The following NT5E variants were observed in gnomAD, a reference collection of about 807,000 sequenced individuals.
NT5E encodes 5'-nucleotidase ecto.
Under a neutral mutation model 55.1 loss-of-function variants are expected in NT5E, and 53 were observed. The ratio of observed to expected loss-of-function variants is 0.96; its 90% CI spans 0.77 to 1.21. NT5E has a LOEUF of 1.21. NT5E is among the 50% of genes most tolerant of loss of function. NT5E has a pLI of 0.00. For missense variants in NT5E, 683 were observed against 724.3 expected (o/e 0.94, Z 0.65); for synonymous variants, 270 against 278.4 (o/e 0.97, Z 0.30).
chr6:85,472,230 G>A lies in NT5E; in HGVS notation c.751+805G>A, dbSNP rs77536561. 1.8e-3 allele frequency among the ~76,000 whole-genome samples: 270 copies of A among 152,280 alleles called. 1 individual carries two copies. Among genetic ancestry groups the A allele is most frequent in the Non-Finnish European group, 2.9e-3 (197 of 68,030 alleles). On this transcript the variant is annotated intron_variant, in intron 3 of 8. Coordinates refer to ENST00000257770, the MANE Select transcript of NT5E (RefSeq NM_002526.4). ...ATTCGCAAAGAAGGCTTTGGCGTGGGAACAGCCCTCCCCTTGAAGAGGCTC... is the reference window on the plus strand; with the variant it reads ...ATTCGCAAAGAAGGCTTTGGCGTGGAAACAGCCCTCCCCTTGAAGAGGCTC...
chr6:85,473,417 C>G (rs1769358516), intron 3 of NT5E, among the ~76,000 whole-genome samples: 1 of 152,160 alleles, frequency 6.6e-6, no homozygotes, highest in Admixed American at 6.5e-5. Context: ...CTGGATAAGA[C>G]CTGTGAAAAC....
chr6:85,466,245 C>T (rs1769190789), intron 1 of NT5E, among the ~76,000 whole-genome samples: 1 of 152,136 alleles, frequency 6.6e-6, no homozygotes, highest in African/African-American at 2.4e-5. Context: ...AGCAGCCACT[C>T]CTCAACCAGT....
chr6:85,469,375 G>A (rs1026557225), intron 2 of NT5E, among the ~76,000 whole-genome samples: 2 of 151,980 alleles, frequency 1.3e-5, no homozygotes, highest in Admixed American at 6.6e-5. Context: ...ACCTGTCTGT[G>A]TGCCAGGCAC....
intron 7 of NT5E, 133 bp downstream of exon 7, chr6:85,490,790 C>G: frequency 1.1e-6 from 1 of 942,914 alleles, no homozygotes; most frequent in Non-Finnish European, 1.6e-6. Flanking sequence ...ACACCAATAC[C>G]TTACCCTTTA....
At chr6:85,474,355 A>G (rs779464170) in intron 3 of NT5E, among the ~76,000 whole-genome samples, 6 of 152,236 alleles carry the variant, frequency 3.9e-5, no homozygotes, top group Admixed American at 6.5e-5. Context: ...GCTGAATCCA[A>G]CAATGCAAAA....
intron 3 of NT5E, among the ~76,000 whole-genome samples, chr6:85,483,747 A>G (rs531311613): frequency 6.6e-6 from 1 of 152,304 alleles, no homozygotes; most frequent in South Asian, 2.1e-4. Flanking sequence ...ATAACATGCT[A>G]CCCAGCTTGT....
chr6:85,492,447 T>C (rs530116675), intron 8 of NT5E, among the ~76,000 whole-genome samples: 1 of 152,250 alleles, frequency 6.6e-6, no homozygotes. Context: ...TAAGCAGCTA[T>C]TTAAATTGTG....
At chr6:85,465,005 G>A (rs573033744) in intron 1 of NT5E, among the ~76,000 whole-genome samples, 1 of 152,332 alleles carries the variant, frequency 6.6e-6, no homozygotes, top group Admixed American at 6.5e-5. Context: ...CATGGCAGTT[G>A]ACATACAGAT....
In NT5E at chr6:85,453,616, G is replaced by A. The variant is rs79560197; in HGVS notation, c.339+3138G>A. Among the ~76,000 whole-genome samples, 639 of 152,304 alleles carry A rather than the reference G, an allele frequency of 4.2e-3. 5 individuals are homozygous for A. Among genetic ancestry groups the A allele is most frequent in the African/African-American group, 0.014 (598 of 41,554 alleles). On this transcript the variant is annotated intron_variant, in intron 1 of 8. Transcript: ENST00000257770. Reference sequence around the variant, plus strand: ...ACCAAGACAGGCTGTGGGGAAGGTAGCTTTGAGCAGGTCTCTAGGGTCCCC... The same window carrying A: ...ACCAAGACAGGCTGTGGGGAAGGTAACTTTGAGCAGGTCTCTAGGGTCCCC...
At position 85,467,162 on chromosome 6, in the gene NT5E, G is replaced by A; in HGVS notation, c.442G>A (p.Gly148Arg). 3 of 1,614,084 alleles carry A rather than the reference G, an allele frequency of 1.9e-6. No individual in the cohort carries two copies. Among genetic ancestry groups the A allele is most frequent in the Middle Eastern group, 1.6e-4 (1 of 6,062 alleles). Residue 148 changes from glycine (G) to arginine (R), a missense_variant, in exon 2 of 9, where the codon GGG (glycine) becomes AGG (arginine). Coordinates refer to ENST00000257770, the MANE Select transcript of NT5E (RefSeq NM_002526.4). ...TCTGAGTGCAAACATTAAAGCAAAG[G>A]GGCCACTAGCATCTCAAATATCAGG... ...PILSANIKAK[G>R]PLASQISGLY...
intron 3 of NT5E, among the ~76,000 whole-genome samples, chr6:85,483,882 G>A (rs182333505): frequency 2.5e-4 from 38 of 152,286 alleles, no homozygotes; most frequent in Admixed American, 1.6e-3. Flanking sequence ...AAAAATACAT[G>A]GTAGGCTTGT....
intron 1 of NT5E, among the ~76,000 whole-genome samples, chr6:85,462,625 CCAGG>C (rs1769118632): frequency 6.6e-6 from 1 of 152,196 alleles, no homozygotes; most frequent in Non-Finnish European, 1.5e-5. Flanking sequence ...CTCTGTGACA[CCAGG>C]TGAGCTCTGG....
In NT5E at chr6:85,477,259, CA is replaced by C. The variant is rs112063692; in HGVS notation, c.751+5835del. On this transcript the variant is annotated intron_variant, in intron 3 of 8. Coordinates refer to ENST00000257770, the MANE Select transcript of NT5E (RefSeq NM_002526.4). ...TGTGTCGCGGCTGACACATGGAAGG[CA>C]GGTGTCTGGTATTGTTAAATGAACG... Among the ~76,000 whole-genome samples the C allele has an allele frequency of 3.3e-3, 497 of 152,240 alleles. 2 individuals are homozygous for C. Among genetic ancestry groups the C allele is most frequent in the African/African-American group, 0.011 (468 of 41,528 alleles).
intron 3 of NT5E, among the ~76,000 whole-genome samples, chr6:85,480,857 C>T (rs1297980515): frequency 6.6e-6 from 1 of 152,116 alleles, no homozygotes; most frequent in East Asian, 1.9e-4. Flanking sequence ...TAAAATTAGG[C>T]CCCAGGGACT....
chr6:85,494,496 G>C lies in NT5E; in HGVS notation c.*492G>C, dbSNP rs953150098. 9.4e-5 allele frequency: 16 copies of C among 169,612 alleles called. No individual in the cohort carries two copies. The highest frequency in any genetic ancestry group is 3.4e-4 in the African/African-American group (14 of 41,664). 10.5% of individuals were successfully genotyped at this position (169,612 alleles called of 1,614,324 possible). On this transcript the variant is annotated 3_prime_UTR_variant, in exon 9 of 9. Coordinates refer to ENST00000257770, the MANE Select transcript of NT5E (RefSeq NM_002526.4). Reference sequence around the variant, plus strand: ...CTTGACCATACAGCTAATGCTGACAGATCCAAGACCTAGACCTAGGTCTTT... The same window carrying C: ...CTTGACCATACAGCTAATGCTGACACATCCAAGACCTAGACCTAGGTCTTT...
intron 3 of NT5E, among the ~76,000 whole-genome samples, chr6:85,472,812 T>C (rs1769341846): frequency 6.6e-6 from 1 of 152,216 alleles, no homozygotes; most frequent in Admixed American, 6.5e-5. Context: ...TCACAGATAT[T>C]TTACTTCTTG....
At chr6:85,462,992 T>C (rs1197417505) in intron 1 of NT5E, among the ~76,000 whole-genome samples, 2 of 152,228 alleles carry the variant, frequency 1.3e-5, no homozygotes, top group Admixed American at 1.3e-4. Context: ...GGCACTTGTT[T>C]GTGAATGAAA....
chr6:85,480,255 G>A (rs557606928), intron 3 of NT5E, among the ~76,000 whole-genome samples: 11 of 152,298 alleles, frequency 7.2e-5, no homozygotes, highest in South Asian at 4.1e-4. Flanking sequence ...GTATACTACC[G>A]GAAGATGCAT....
chr6:85,456,413 A>G (rs1256372137), intron 1 of NT5E, among the ~76,000 whole-genome samples: 1 of 152,240 alleles, frequency 6.6e-6, no homozygotes, highest in East Asian at 1.9e-4. Context: ...TTGGGAATAC[A>G]GGTGGCCCAG....
Sources: allele counts gnomAD v4.1 joint callset (sites outside exome capture counted in the v4.1 genomes callset), GRCh38; gene constraint gnomAD v4.1.1; transcripts MANE v1.5; gene names NCBI Gene and HGNC (gene_info 2026-07-23, HGNC 2026-07-21).